WASHC4: variants seen among roughly 807,000 people sequenced by gnomAD.
WASHC4 encodes WASH complex subunit 7.
A neutral mutation model predicts 166.6 loss-of-function variants in WASHC4; 86 were observed. That is an observed-to-expected ratio of 0.52 (90% CI 0.43 to 0.62). WASHC4 has a LOEUF of 0.62. Among genes scored for constraint, WASHC4 ranks in the 20% least tolerant of loss-of-function variants. WASHC4 has a pLI of 0.00. For synonymous variants in WASHC4, 446 were observed against 451.6 expected (o/e 0.99, Z 0.16); for missense variants, 1,262 against 1,382.4 (o/e 0.91, Z 1.38).
At chr12:105,131,276 C>T (rs1419342891) in intron 13 of WASHC4, among the ~76,000 whole-genome samples, 2 of 150,628 alleles carry the variant, frequency 1.3e-5, no homozygotes, top group Non-Finnish European at 3.0e-5. Context: ...TTAGTAGAGA[C>T]GGGGTTTCAC....
At chr12:105,159,690 A>C (rs1183748895) in intron 28 of WASHC4, among the ~76,000 whole-genome samples, 1 of 152,184 alleles carries the variant, frequency 6.6e-6, no homozygotes, top group Non-Finnish European at 1.5e-5. Context: ...TTAGAGATTT[A>C]AGGGGAAGAG....
rs1410656809 is a variant in WASHC4 at position 105,152,974 on chromosome 12, G to A, written c.2758+523G>A. Among the ~76,000 whole-genome samples the A allele has an allele frequency of 2.6e-5, 4 of 151,882 alleles. No homozygotes were observed. The East Asian group carries it at 5.8e-4, about 22-fold the overall frequency. On this transcript the variant is annotated intron_variant, in intron 26 of 32. Transcript: ENST00000332180. ...GTAAGAACTACATTTCATAATCATC[G>A]CTTAACAAAACTTTATACTTATTTG...
rs1018761001 is a variant in WASHC4 at position 105,153,339 on chromosome 12, T to G, written c.2758+888T>G. Among the ~76,000 whole-genome samples, 5 of 152,362 alleles carry G rather than the reference T, an allele frequency of 3.3e-5. No homozygotes were observed. The East Asian group carries it at 9.6e-4, about 29-fold the overall frequency. On this transcript the variant is annotated intron_variant, in intron 26 of 32. Transcript: ENST00000332180. Reference sequence around the variant, plus strand: ...TTTCAGGAGACTTTAGGTTTACTAGTGGGTAATACGTTATAAGCATTTCAT... The same window carrying G: ...TTTCAGGAGACTTTAGGTTTACTAGGGGGTAATACGTTATAAGCATTTCAT...
intron 1 of WASHC4, 30 bp from the exon 2 acceptor site, chr12:105,111,095 A>G (rs753120367): frequency 6.5e-7 from 1 of 1,546,810 alleles, no homozygotes; most frequent in South Asian, 1.1e-5. Context: ...ACTTGCACTT[A>G]TCACATACTG....
chr12:105,110,878 A>G (rs984827522), intron 1 of WASHC4, among the ~76,000 whole-genome samples: 2 of 152,178 alleles, frequency 1.3e-5, no homozygotes, highest in Admixed American at 1.3e-4. Flanking sequence ...GCTTTTTCAT[A>G]ATATGTTAGG....
chr12:105,114,279 C>A lies in WASHC4; in HGVS notation c.255+10C>A. 6.2e-7 allele frequency: 1 copy of A among 1,607,666 alleles called. No individual in the cohort carries two copies. The highest frequency in any genetic ancestry group is 8.5e-7 in the Non-Finnish European group (1 of 1,175,808). The stretch of plus-strand genomic sequence containing the variant: ...AAAGACTGAAAACAAGGTACAGAAT[C>A]CTAAATCTAAAAAATTGTTTTAAAA... On this transcript the variant is annotated intron_variant, in intron 3 of 32. Transcript: ENST00000332180.
At chr12:105,124,041 G>A (rs994650833) in intron 10 of WASHC4, among the ~76,000 whole-genome samples, 3 of 150,706 alleles carry the variant, frequency 2.0e-5, no homozygotes, top group Non-Finnish European at 4.4e-5. Flanking sequence ...GCAATAAAGT[G>A]TTTTTTAATT....
chr12:105,157,144 A>C, intron 27 of WASHC4, 92 bp from the exon 28 acceptor site: 1 of 712,074 alleles, frequency 1.4e-6, no homozygotes, highest in Non-Finnish European at 2.5e-6. Context: ...CATAGTTGAA[A>C]ATTTTAGAGT....
At chr12:105,158,376 A>G (rs1031494515) in intron 28 of WASHC4, among the ~76,000 whole-genome samples, 1 of 152,224 alleles carries the variant, frequency 6.6e-6, no homozygotes, top group African/African-American at 2.4e-5. Context: ...CAAACTTAGC[A>G]TCACCAGTAA....
intron 18 of WASHC4, among the ~76,000 whole-genome samples, chr12:105,141,517 G>C (rs1882849775): frequency 6.6e-6 from 1 of 152,176 alleles, no homozygotes; most frequent in Non-Finnish European, 1.5e-5. Flanking sequence ...TGCATATCGT[G>C]ATTATTATGT....
chr12:105,148,526 G>A (rs913829721), intron 24 of WASHC4: 2 of 985,346 alleles, frequency 2.0e-6, no homozygotes, highest in Non-Finnish European at 2.4e-6. Context: ...AGCATAGAAG[G>A]ATAGAAATCA....
intron 25 of WASHC4, among the ~76,000 whole-genome samples, chr12:105,151,491 T>G (rs558689921): frequency 6.6e-5 from 10 of 152,146 alleles, no homozygotes; most frequent in Non-Finnish European, 1.3e-4. Context: ...TTAACTCTTT[T>G]TTTTTTTTGA....
intron 29 of WASHC4, among the ~76,000 whole-genome samples, chr12:105,161,479 C>G (rs1394564438): frequency 6.6e-6 from 1 of 152,054 alleles, no homozygotes; most frequent in Non-Finnish European, 1.5e-5. Context: ...GCAATGTACT[C>G]AAACCATTGT....
intron 24 of WASHC4, chr12:105,149,162 A>G (rs1049352306): frequency 9.1e-6 from 9 of 985,350 alleles, no homozygotes; most frequent in Non-Finnish European, 1.1e-5. Context: ...TGGATAGATA[A>G]TTGAATATGT....
chr12:105,155,371 C>A (rs998533009), intron 26 of WASHC4, among the ~76,000 whole-genome samples: 14 of 129,910 alleles, frequency 1.1e-4, no homozygotes, highest in Non-Finnish European at 2.1e-4. Flanking sequence ...ACAGAGGCAA[C>A]AGTAAGTGCA....
At chr12:105,148,459 T>C (rs1566021846) in intron 24 of WASHC4, 3 of 985,292 alleles carry the variant, frequency 3.0e-6, no homozygotes, top group Non-Finnish European at 3.6e-6. Flanking sequence ...GGGATATAGA[T>C]GTTCATCAGT....
chr12:105,126,434 A>C, intron 12 of WASHC4, 72 bp downstream of exon 12: 2 of 1,154,180 alleles, frequency 1.7e-6, no homozygotes, highest in Non-Finnish European at 2.5e-6. Flanking sequence ...ATATTTTAAA[A>C]TGCATTTTAT....
At chr12:105,146,049 A>G (rs1406911347) in intron 22 of WASHC4, among the ~76,000 whole-genome samples, 1 of 152,156 alleles carries the variant, frequency 6.6e-6, no homozygotes, top group East Asian at 1.9e-4. Context: ...AACCTTGCAA[A>G]GTACCTGAAA....
chr12:105,122,095 T>C, intron 9 of WASHC4, 23 bp from the exon 10 acceptor site: 4 of 1,541,254 alleles, frequency 2.6e-6, no homozygotes, highest in Middle Eastern at 1.7e-4. Flanking sequence ...AGATTTAAGA[T>C]GTTTCTCTTA....
Sources: allele counts gnomAD v4.1 joint callset (sites outside exome capture counted in the v4.1 genomes callset), GRCh38; gene constraint gnomAD v4.1.1; transcripts MANE v1.5; gene names NCBI Gene and HGNC (gene_info 2026-07-23, HGNC 2026-07-21).